The following CCDC144A variants were observed in gnomAD, a reference collection of about 807,000 sequenced individuals.
The protein encoded by CCDC144A is coiled-coil domain containing 144A, also known as coiled-coil domain-containing protein 144A.
CCDC144A carries 41 observed loss-of-function variants against 143.8 expected under a neutral mutation model. The observed-to-expected ratio is 0.29, with a 90% CI of 0.22 to 0.37. The LOEUF is 0.37. CCDC144A is among the 10% of genes least tolerant of loss of function. The pLI, the probability that CCDC144A is intolerant of heterozygous loss-of-function variation, is 1.00. For missense variants in CCDC144A, 637 were observed against 1,488.8 expected (o/e 0.43, Z 9.41); for synonymous variants, 242 against 517.9 (o/e 0.47, Z 7.23).
chr17:16,670,391 C>A, the CCDC144A span, among the ~76,000 whole-genome samples: 4 of 142,800 alleles, frequency 2.8e-5, no homozygotes, highest in African/African-American at 1.0e-4. Context: ...GGGTTCAAGT[C>A]ATTCTCCTGC....
intron 6 of CCDC144A, among the ~76,000 whole-genome samples, chr17:16,715,969 G>C (rs181364813): frequency 1.3e-5 from 2 of 152,336 alleles, no homozygotes; most frequent in East Asian, 3.9e-4. Context: ...ATGATTGACT[G>C]TATTTACAAC....
intron 8 of CCDC144A, among the ~76,000 whole-genome samples, chr17:16,726,420 C>T (rs1210868711): frequency 6.9e-6 from 1 of 145,312 alleles, no homozygotes; most frequent in Non-Finnish European, 1.5e-5. Context: ...AAAGAAAAAT[C>T]TTCCATGCCT....
the CCDC144A span, among the ~76,000 whole-genome samples, chr17:16,668,589 T>A: frequency 1.3e-5 from 2 of 152,236 alleles, no homozygotes; most frequent in African/African-American, 4.8e-5. Flanking sequence ...TTTAATTTTT[T>A]AATTTTTTTA....
chr17:16,688,745 C>T (rs183403098), upstream of CCDC144A, among the ~76,000 whole-genome samples: 15 of 152,226 alleles, frequency 9.9e-5, no homozygotes, highest in Admixed American at 3.9e-4. Flanking sequence ...GCCTCTGCCT[C>T]CCAAAGTGTT....
the CCDC144A span, among the ~76,000 whole-genome samples, chr17:16,682,073 C>T: frequency 7.9e-5 from 12 of 151,818 alleles, 1 homozygote; most frequent in Non-Finnish European, 1.5e-4. Context: ...AGAGCCCTGA[C>T]CGTGTGAGGG....
chr17:16,720,147 G>C (rs1053356653), intron 6 of CCDC144A, 51 bp from the exon 7 acceptor site: 6 of 1,473,072 alleles, frequency 4.1e-6, no homozygotes, highest in Non-Finnish European at 5.4e-6. Flanking sequence ...GATATTCTTT[G>C]TATTTTACAT....
In CCDC144A at chr17:16,735,035, G is replaced by C; in HGVS notation, c.2764G>C (p.Ala922Pro). Residue 922 changes from alanine to proline, a missense_variant, in exon 12 of 17, where the codon GCT (alanine) becomes CCT (proline). Physicochemically the swap from Ala to Pro is conservative, Grantham distance 27 (BLOSUM62 -1). Coordinates refer to ENST00000399273, the MANE Select transcript of CCDC144A (RefSeq NM_001382000.1). ...GGAATCATACCGTTGTAGACTAGCT[G>C]CTGCTGTACGTGACTGTGATCAAAG... Reference protein sequence around the residue: ...EMESYRCRLAAAVRDCDQSQT... With the variant: ...EMESYRCRLAPAVRDCDQSQT... 6.2e-7 allele frequency: 1 copy of C among 1,612,088 alleles called. No individual in the cohort carries two copies. The highest frequency in any genetic ancestry group is 8.5e-7 in the Non-Finnish European group (1 of 1,179,628).
At chr17:16,752,252 C>T (rs528262776) in intron 12 of CCDC144A, among the ~76,000 whole-genome samples, 49 of 152,270 alleles carry the variant, frequency 3.2e-4, no homozygotes, top group African/African-American at 1.1e-3. Context: ...ATCTAGGTTG[C>T]GTGCTCCTTA....
chr17:16,672,685 T>C, the CCDC144A span, among the ~76,000 whole-genome samples: 2 of 152,100 alleles, frequency 1.3e-5, no homozygotes, highest in Non-Finnish European at 2.9e-5. Context: ...CAACAGAAAT[T>C]ATGAGATGGT....
intron 15 of CCDC144A, among the ~76,000 whole-genome samples, chr17:16,769,931 G>A (rs1349457310): frequency 6.6e-6 from 1 of 150,744 alleles, no homozygotes; most frequent in Non-Finnish European, 1.5e-5. Context: ...GGGTTCAAGC[G>A]ATTCTCCTGC....
intron 12 of CCDC144A, among the ~76,000 whole-genome samples, chr17:16,748,243 C>T (rs1223012588): frequency 6.6e-6 from 1 of 151,948 alleles, no homozygotes; most frequent in Non-Finnish European, 1.5e-5. Flanking sequence ...ATAGAGTGGC[C>T]TTTATTATTT....
chr17:16,709,085 G>A lies in CCDC144A; in HGVS notation c.1028G>A (p.Gly343Asp). The change falls in exon 5 of 17, where the codon GGT becomes GAT. Residue 343 changes from glycine to aspartate, a missense_variant. Transcript: ENST00000399273. ...IPFNLTNNIP[G>D]CEEEDASEIS... ...TTTAATTTGACAAATAACATACCTGGTTGTGAGGAAGAAGATGCATCTGAA... is the reference window on the plus strand; with the variant it reads ...TTTAATTTGACAAATAACATACCTGATTGTGAGGAAGAAGATGCATCTGAA... 1.2e-6 allele frequency: 2 copies of A among 1,611,584 alleles called. No homozygotes were observed. The highest frequency in any genetic ancestry group is 1.3e-5 in the African/African-American group (1 of 74,930).
intron 1 of CCDC144A, among the ~76,000 whole-genome samples, chr17:16,691,386 A>G (rs1911061218): frequency 6.6e-6 from 1 of 152,114 alleles, no homozygotes; most frequent in South Asian, 2.1e-4. Flanking sequence ...GGAAGCCATC[A>G]CCAGAATTCT....
chr17:16,738,913 T>C (rs1359468492), intron 12 of CCDC144A, among the ~76,000 whole-genome samples: 1 of 151,934 alleles, frequency 6.6e-6, no homozygotes, highest in South Asian at 2.1e-4. Context: ...CCCATCAGCA[T>C]TGTATGAGGG....
At chr17:16,723,801 G>A (rs965238368) in intron 8 of CCDC144A, among the ~76,000 whole-genome samples, 6 of 152,212 alleles carry the variant, frequency 3.9e-5, no homozygotes, top group Non-Finnish European at 8.8e-5. Flanking sequence ...TTAAGTTTCA[G>A]CATATGAGTT....
chr17:16,719,902 A>G (rs1339733261), intron 6 of CCDC144A, among the ~76,000 whole-genome samples: 11 of 152,188 alleles, frequency 7.2e-5, no homozygotes, highest in Non-Finnish European at 1.0e-4. Flanking sequence ...TGCAGGTAAC[A>G]TGTTTTTTTC....
At chr17:16,686,545 C>T (rs1183383404), upstream of CCDC144A, among the ~76,000 whole-genome samples, 2 of 151,902 alleles carry the variant, frequency 1.3e-5, no homozygotes, top group Non-Finnish European at 2.9e-5. Context: ...GTGGCTTATG[C>T]CTGTAATCCC....
chr17:16,750,446 G>A (rs370134211), intron 12 of CCDC144A, among the ~76,000 whole-genome samples: 5 of 146,100 alleles, frequency 3.4e-5, no homozygotes, highest in African/African-American at 1.4e-4. Flanking sequence ...CCAGAAAGAG[G>A]TCAGCTTTTC....
intron 15 of CCDC144A, among the ~76,000 whole-genome samples, chr17:16,768,262 T>C (rs1446281580): frequency 2.0e-5 from 3 of 152,260 alleles, no homozygotes; most frequent in Non-Finnish European, 4.4e-5. Context: ...AATAAACTTA[T>C]TTGTGGAGGC....
Sources: allele counts gnomAD v4.1 joint callset (sites outside exome capture counted in the v4.1 genomes callset), GRCh38; gene constraint gnomAD v4.1.1; transcripts MANE v1.5; gene names NCBI Gene and HGNC (gene_info 2026-07-23, HGNC 2026-07-21).